SOX5: variants seen among roughly 807,000 people sequenced by gnomAD.
The protein encoded by SOX5 is transcription factor SOX-5.
A neutral mutation model predicts 92.0 loss-of-function variants in SOX5; 9 were observed. That is an observed-to-expected ratio of 0.10 (90% confidence interval 0.06 to 0.17). The LOEUF (loss-of-function observed/expected upper bound fraction) is 0.17. Among genes scored for constraint, SOX5 ranks in the 10% least tolerant of loss-of-function variants. The probability of loss-of-function intolerance (pLI) is 1.00; values close to 1 mark genes in which losing one functional copy is unlikely to be tolerated. For synonymous variants in SOX5, 344 were observed against 336.3 expected, an observed-to-expected ratio of 1.02 and a Z score of -0.25; for missense variants, 642 against 944.5, an observed-to-expected ratio of 0.68 and a Z score of 4.20.
intron 1 of SOX5, among the ~76,000 whole-genome samples, chr12:24,422,257 A>C (rs1367083351): frequency 2.0e-5 from 3 of 152,200 alleles, no homozygotes; most frequent in Non-Finnish European, 4.4e-5. Context: ...TCAATACTGG[A>C]TATGATCAAC....
At chr12:23,970,840 A>ATATATATATATATATATAT in intron 4 of SOX5, among the ~76,000 whole-genome samples, 60 of 33,420 alleles carry the variant, frequency 1.8e-3, no homozygotes, top group South Asian at 2.4e-3. Context: ...ATATATATAT[A>ATATATATATATATATATAT]ATTTTTTTTT....
At chr12:24,236,031 A>T (rs932999447) in intron 3 of SOX5, among the ~76,000 whole-genome samples, 3 of 151,928 alleles carry the variant, frequency 2.0e-5, no homozygotes, top group East Asian at 1.9e-4. Flanking sequence ...CTACTAAAAA[A>T]ACACAAAAAA....
intron 4 of SOX5, among the ~76,000 whole-genome samples, chr12:24,174,461 T>C (rs1349576713): frequency 6.6e-6 from 1 of 152,110 alleles, no homozygotes; most frequent in Non-Finnish European, 1.5e-5. Flanking sequence ...GAGAACTCAG[T>C]GAGACCAAAC....
intron 3 of SOX5, among the ~76,000 whole-genome samples, chr12:23,806,456 C>T (rs2095772692): frequency 6.6e-6 from 1 of 151,832 alleles, no homozygotes; most frequent in Non-Finnish European, 1.5e-5. Context: ...GGCATAAATA[C>T]AAAGAGTACA....
At chr12:24,500,347 A>G (rs755136510) in intron 1 of SOX5, among the ~76,000 whole-genome samples, 9 of 152,190 alleles carry the variant, frequency 5.9e-5, no homozygotes, top group Non-Finnish European at 1.3e-4. Context: ...GAATACATAT[A>G]TGTGTGAGTG....
At position 24,420,306 on chromosome 12, in the gene SOX5, G is replaced by A. The variant is rs1030747460; in HGVS notation, c.-250-51667C>T. On this transcript the variant is annotated intron_variant, in intron 1 of 4. Transcript: ENST00000446891. ...TGGAGAAATAGATGGAACAGGCTAT[G>A]TACAGATGAGCTTAGAACATCTTAA... Among the ~76,000 whole-genome samples the A allele has an allele frequency of 4.6e-5, 7 of 152,278 alleles. No homozygotes were observed. The South Asian group carries it at 1.2e-3, about 27-fold the overall frequency.
intron 2 of SOX5, among the ~76,000 whole-genome samples, chr12:24,327,449 C>CT (rs1950839421): frequency 9.9e-6 from 1 of 101,386 alleles, no homozygotes. Flanking sequence ...GAGTTTTGCT[C>CT]TTGTTGTCCA....
chr12:23,618,214 T>A (rs2137994961), intron 8 of SOX5, among the ~76,000 whole-genome samples: 1 of 152,282 alleles, frequency 6.6e-6, no homozygotes. Flanking sequence ...TTGCTGAAAT[T>A]CCCTTCAAAG....
chr12:24,187,120 T>A (rs1446052665), intron 4 of SOX5, among the ~76,000 whole-genome samples: 1 of 152,148 alleles, frequency 6.6e-6, no homozygotes, highest in Non-Finnish European at 1.5e-5. Context: ...ATCAGTCCCA[T>A]CTCATGGATA....
chr12:24,472,868 C>A (rs1479691074), intron 1 of SOX5, among the ~76,000 whole-genome samples: 1 of 151,932 alleles, frequency 6.6e-6, no homozygotes, highest in Non-Finnish European at 1.5e-5. Flanking sequence ...AATTTTAAAA[C>A]AATACCTATT....
At chr12:24,029,591 T>C (rs531866203) in intron 4 of SOX5, among the ~76,000 whole-genome samples, 4 of 152,064 alleles carry the variant, frequency 2.6e-5, no homozygotes, top group South Asian at 4.1e-4. Flanking sequence ...AATCTTTAGA[T>C]AGAACTCAGT....
chr12:23,548,952 C>G (rs1356324958), intron 11 of SOX5, among the ~76,000 whole-genome samples: 3 of 151,920 alleles, frequency 2.0e-5, no homozygotes, highest in African/African-American at 7.2e-5. Flanking sequence ...TGCTGACACA[C>G]TAGAAAAATC....
intron 1 of SOX5, among the ~76,000 whole-genome samples, chr12:24,531,112 A>G (rs920346382): frequency 2.0e-5 from 3 of 152,194 alleles, no homozygotes; most frequent in Non-Finnish European, 4.4e-5. Flanking sequence ...TCTACAAGTG[A>G]CCAGACTGGT....
intron 4 of SOX5, among the ~76,000 whole-genome samples, chr12:24,163,652 A>G (rs940414243): frequency 6.6e-6 from 1 of 152,000 alleles, no homozygotes; most frequent in Non-Finnish European, 1.5e-5. Context: ...TGAAAACAGC[A>G]TGGGGCATAG....
In SOX5 at chr12:24,511,826, C is replaced by T. The variant is rs536153748; in HGVS notation, c.-251+50503G>A. 8.6e-5 allele frequency among the ~76,000 whole-genome samples: 13 copies of T among 151,832 alleles called. No individual in the cohort carries two copies. In the South Asian group the frequency reaches 2.7e-3, roughly 32 times the overall value. ...ACAAAAAATTAGCCGGGCGTGGTGGCGGGTGCCTGTAGTCCCAGCTACTCG... is the reference window on the plus strand; with the variant it reads ...ACAAAAAATTAGCCGGGCGTGGTGGTGGGTGCCTGTAGTCCCAGCTACTCG... On this transcript the variant is annotated intron_variant, in intron 1 of 4. Coordinates refer to the SOX5 transcript ENST00000446891.
chr12:23,785,032 T>A (rs918378837), intron 3 of SOX5, among the ~76,000 whole-genome samples: 2 of 152,190 alleles, frequency 1.3e-5, no homozygotes, highest in East Asian at 3.9e-4. Flanking sequence ...CAGGGAGCCA[T>A]GATTGTGCCA....
At chr12:24,545,519 C>T (rs765668163) in intron 1 of SOX5, among the ~76,000 whole-genome samples, 1 of 151,848 alleles carries the variant, frequency 6.6e-6, no homozygotes, top group African/African-American at 2.4e-5. Context: ...AAAAAAAAAT[C>T]GACAGATTTT....
At chr12:24,344,145 T>C (rs1217423054) in intron 2 of SOX5, among the ~76,000 whole-genome samples, 3 of 151,712 alleles carry the variant, frequency 2.0e-5, no homozygotes, top group Non-Finnish European at 4.4e-5. Context: ...TAGTTGGGCG[T>C]GGTGGGACAT....
intron 11 of SOX5, among the ~76,000 whole-genome samples, chr12:23,557,733 T>C (rs1555153631): frequency 6.6e-6 from 1 of 152,144 alleles, no homozygotes; most frequent in Non-Finnish European, 1.5e-5. Flanking sequence ...CCCAGCGCTT[T>C]GGGAGGCCAA....
Sources: gnomAD v4.1 joint callset for allele counts (sites outside exome capture counted in the v4.1 genomes callset) on GRCh38, gnomAD v4.1.1 for gene constraint, MANE v1.5 for transcripts, NCBI Gene and HGNC (gene_info 2026-07-23, HGNC 2026-07-21) for gene names.